KRR1: variants seen among roughly 807,000 people sequenced by gnomAD.
KRR1 encodes KRR1 small subunit processome component.
A neutral mutation model predicts 50.0 loss-of-function variants in KRR1; 23 were observed. The observed-to-expected ratio is 0.46, with a 90% confidence interval of 0.33 to 0.65. The LOEUF is 0.65. KRR1 is among the 30% of genes least tolerant of loss of function. The probability of loss-of-function intolerance (pLI) is 0.02; values close to 1 mark genes in which losing one functional copy is unlikely to be tolerated. For missense variants in KRR1, 419 were observed against 442.4 expected, an observed-to-expected ratio of 0.95 and a Z score of 0.47; for synonymous variants, 133 against 146.3, an observed-to-expected ratio of 0.91 and a Z score of 0.66.
intron 6 of KRR1, 114 bp downstream of exon 6, chr12:75,505,084 T>C: frequency 8.9e-7 from 1 of 1,124,884 alleles, no homozygotes; most frequent in Non-Finnish European, 1.2e-6. Flanking sequence ...AAAATAGCTC[T>C]GCTTTATCTG....
intron 5 of KRR1, among the ~76,000 whole-genome samples, chr12:75,505,781 G>A (rs1284796660): frequency 3.3e-5 from 5 of 152,046 alleles, no homozygotes; most frequent in African/African-American, 1.2e-4. Flanking sequence ...ACCAAAAGGA[G>A]TTAACAGAAA....
chr12:75,506,222 A>G, intron 5 of KRR1, 94 bp downstream of exon 5: 1 of 719,912 alleles, frequency 1.4e-6, no homozygotes, highest in Non-Finnish European at 2.2e-6. Context: ...ATTCTAAAGA[A>G]ATAAAATTAT....
Position 75,495,588 on chromosome 12 carries a change from CA to C in KRR1, c.*4220del. ...CTTCTGCTTTACAGAGGGAATTACC[CA>C]ACTTGGCCATATAAGAGAGGAGCCA... On this transcript the variant is annotated 3_prime_UTR_variant, in exon 10 of 10. Transcript: ENST00000229214. 1 of 1,601,822 alleles carries C rather than the reference CA, an allele frequency of 6.2e-7. No homozygotes were observed. Among genetic ancestry groups the C allele is most frequent in the Non-Finnish European group, 8.6e-7 (1 of 1,169,002 alleles).
chr12:75,505,965 T>C (rs2046419797), intron 5 of KRR1, among the ~76,000 whole-genome samples: 1 of 152,134 alleles, frequency 6.6e-6, no homozygotes, highest in Admixed American at 6.6e-5. Context: ...AATAACTGGA[T>C]TTTTGCTCAA....
rs1049364862 is a variant in KRR1 at position 75,498,316 on chromosome 12, A to G, written c.*1493T>C. ...TGTCTTTTCACTATGGATTCATCAT[A>G]AACAGTATCATTCTTCTCAGGAAGA... is the stretch of plus-strand genomic sequence containing the variant. On this transcript the variant is annotated 3_prime_UTR_variant, in exon 10 of 10. Transcript: ENST00000229214. 3 of 166,358 alleles carry G rather than the reference A, an allele frequency of 1.8e-5. No individual in the cohort carries two copies. The highest frequency in any genetic ancestry group is 7.2e-5 in the African/African-American group (3 of 41,674). 10.3% of individuals were successfully genotyped at this position (166,358 alleles called of 1,614,324 possible).
rs1566103719 is a variant in KRR1 at position 75,501,830 on chromosome 12, T to TA, written c.910-15dup. Reference sequence around the variant, plus strand: ...TGCTTGTTTAGCCTACATTAATAAATAAAAAATATATCAGTTAAATGTATT... The same window carrying TA: ...TGCTTGTTTAGCCTACATTAATAAATAAAAAAATATATCAGTTAAATGTATT... On this transcript the variant is annotated splice_polypyrimidine_tract_variant and intron_variant, in intron 8 of 9. Transcript: ENST00000229214. 3.2e-6 allele frequency: 5 copies of TA among 1,579,482 alleles called. No homozygotes were observed. Among genetic ancestry groups the TA allele is most frequent in the Non-Finnish European group, 4.3e-6 (5 of 1,158,004 alleles).
In KRR1 at chr12:75,499,730, A is replaced by G. The variant is rs913223920; in HGVS notation, c.*79T>C. 9.6e-6 allele frequency: 11 copies of G among 1,141,290 alleles called. No homozygotes were observed. In the Admixed American group the frequency reaches 2.7e-4, roughly 28 times the overall value. 70.7% of individuals were successfully genotyped at this position (1,141,290 alleles called of 1,614,324 possible). Reference sequence around the variant, plus strand: ...AAAAAAAGCCCTCAGAAAATTTCTCACAAATAAGGCAACTAATGCCTGATA... The same window carrying G: ...AAAAAAAGCCCTCAGAAAATTTCTCGCAAATAAGGCAACTAATGCCTGATA... On this transcript the variant is annotated 3_prime_UTR_variant, in exon 10 of 10. Coordinates refer to ENST00000229214, the MANE Select transcript of KRR1 (RefSeq NM_007043.7).
At chr12:75,501,873 A>G (rs112980611) in intron 8 of KRR1, 50 bp downstream of exon 8, 1 of 1,583,862 alleles carries the variant, frequency 6.3e-7, no homozygotes, top group Admixed American at 1.8e-5. Context: ...AAATAATTCA[A>G]GTATCTATGA....
rs940122183 is a variant in KRR1, at chr12:75,503,914, G to C, written c.821C>G (p.Pro274Arg). ...KEYTPFPPPQ[P>R]ESQIDKELAS... is the part of the protein sequence containing the mutation. ...ACATTTAGTACTAACCTGACTTTCTGGTTGTGGTGGTGGGAATGGCGTATA... is the reference window on the plus strand; with the variant it reads ...ACATTTAGTACTAACCTGACTTTCTCGTTGTGGTGGTGGGAATGGCGTATA... The change falls in exon 7 of 10, where the codon CCA becomes CGA. Residue 274 changes from proline (P) to arginine (R), a missense_variant. Physicochemically the swap from Pro to Arg is moderately radical, Grantham distance 103. Transcript: ENST00000229214. 2.5e-6 allele frequency: 4 copies of C among 1,607,174 alleles called. No individual in the cohort carries two copies. The highest frequency in any genetic ancestry group is 2.6e-6 in the Non-Finnish European group (3 of 1,176,354).
intron 1 of KRR1, among the ~76,000 whole-genome samples, chr12:75,509,055 G>T (rs2046435024): frequency 1.3e-5 from 2 of 152,086 alleles, no homozygotes; most frequent in African/African-American, 4.8e-5. Flanking sequence ...GTCTAAAAAG[G>T]TTAAGTGACT....
At chr12:75,503,859 T>C (rs761089940) in intron 7 of KRR1, 45 bp downstream of exon 7, 1 of 1,522,900 alleles carries the variant, frequency 6.6e-7, no homozygotes, top group Non-Finnish European at 8.9e-7. Flanking sequence ...CCAAATACAT[T>C]AAAATAGATT....
chr12:75,504,749 C>T (rs945055000), intron 6 of KRR1, among the ~76,000 whole-genome samples: 5 of 152,000 alleles, frequency 3.3e-5, no homozygotes, highest in African/African-American at 1.2e-4. Context: ...AGGGATATAA[C>T]AGTTCTCTCT....
intron 2 of KRR1, 47 bp downstream of exon 2, chr12:75,508,227 G>A: frequency 7.4e-6 from 10 of 1,358,800 alleles, no homozygotes; most frequent in South Asian, 3.0e-5. Context: ...AAAGGCATAA[G>A]CAAGAGCAAA....
At chr12:75,500,208 T>C (rs923086713) in intron 9 of KRR1, 2 of 236,174 alleles carry the variant, frequency 8.5e-6, no homozygotes, top group Non-Finnish European at 1.6e-5. Flanking sequence ...ATGGCATAAA[T>C]GGCATAATTG....
chr12:75,504,163 A>C, intron 6 of KRR1, 89 bp from the exon 7 acceptor site: 1 of 885,340 alleles, frequency 1.1e-6, no homozygotes, highest in Non-Finnish European at 1.6e-6. Flanking sequence ...TTCTATAAAT[A>C]ATAAAAGAAA....
intron 1 of KRR1, among the ~76,000 whole-genome samples, 195 bp from the exon 2 acceptor site, chr12:75,508,641 T>C (rs951986460): frequency 2.6e-5 from 4 of 152,234 alleles, no homozygotes; most frequent in African/African-American, 9.6e-5. Context: ...GTCATTATCA[T>C]CAATTCTCTG....
intron 9 of KRR1, chr12:75,500,595 AATAAAGACAATAATTTG>A (rs1160669893): frequency 2.0e-5 from 3 of 152,052 alleles, no homozygotes; most frequent in African/African-American, 7.2e-5. Flanking sequence ...ACATTTTGGT[AATAAAGACAATAATTTG>A]AGAGTGTGTG....
Position 75,496,540 on chromosome 12 carries a change from G to C in KRR1, c.*3269C>G, listed in dbSNP as rs2046352631. 1 of 151,242 alleles carries C rather than the reference G, an allele frequency of 6.6e-6. No individual in the cohort carries two copies. The highest frequency in any genetic ancestry group is 6.6e-5 in the Admixed American group (1 of 15,160). The allele number at this position is 151,242 out of a possible 1,614,324, so 9.4% of individuals were successfully genotyped here. ...GACCAAGAGTTTATTTCTTGTTCTTGTTCTAGACACAAACCCTTCCATCCC... is the reference window on the plus strand; with the variant it reads ...GACCAAGAGTTTATTTCTTGTTCTTCTTCTAGACACAAACCCTTCCATCCC... On this transcript the variant is annotated 3_prime_UTR_variant, in exon 10 of 10. Coordinates refer to ENST00000229214, the MANE Select transcript of KRR1 (RefSeq NM_007043.7).
chr12:75,502,032 A>AAAT (rs1357794492), intron 7 of KRR1, 32 bp from the exon 8 acceptor site: 5 of 1,555,946 alleles, frequency 3.2e-6, no homozygotes, highest in Admixed American at 3.5e-5. Context: ...ATTACATCAG[A>AAAT]AATAATGTAG....
Sources: allele counts gnomAD v4.1 joint callset (sites outside exome capture counted in the v4.1 genomes callset), GRCh38; gene constraint gnomAD v4.1.1; transcripts MANE v1.5; gene names NCBI Gene and HGNC (gene_info 2026-07-23, HGNC 2026-07-21).